Variants in PCDH9 observed in about 807,000 individuals in gnomAD.
The protein encoded by PCDH9 is protocadherin-9.
A neutral mutation model predicts 70.6 loss-of-function variants in PCDH9; 24 were observed. That is an observed-to-expected ratio of 0.34 (90% CI 0.25 to 0.48). The LOEUF (loss-of-function observed/expected upper bound fraction) is 0.48, where lower values mean the gene tolerates loss of function less well. Among genes scored for constraint, PCDH9 ranks in the 20% least tolerant of loss-of-function variants. PCDH9 has a pLI of 0.99. For synonymous variants in PCDH9, 562 were observed against 558.5 expected (o/e 1.01, Z -0.09); for missense variants, 1,281 against 1,503.6 (o/e 0.85, Z 2.45).
At chr13:66,808,727 T>A (rs1361057360) in intron 3 of PCDH9, among the ~76,000 whole-genome samples, 1 of 152,154 alleles carries the variant, frequency 6.6e-6, no homozygotes, top group Non-Finnish European at 1.5e-5. Flanking sequence ...TAAATTGTAG[T>A]TTATTCATTA....
intron 2 of PCDH9, among the ~76,000 whole-genome samples, chr13:66,978,766 T>C (rs989416219): frequency 3.3e-5 from 5 of 149,768 alleles, no homozygotes; most frequent in African/African-American, 1.2e-4. Context: ...TAAATGTATA[T>C]GATTTTTGGC....
chr13:66,786,380 T>A (rs1353185184), intron 3 of PCDH9, among the ~76,000 whole-genome samples: 1 of 152,198 alleles, frequency 6.6e-6, no homozygotes, highest in Non-Finnish European at 1.5e-5. Flanking sequence ...AGAAGGCTTA[T>A]GCTGTATGCT....
Position 66,304,241 on chromosome 13 carries a change from T to C in PCDH9, c.*414A>G. On this transcript the variant is annotated 3_prime_UTR_variant, in exon 5 of 5. Coordinates refer to ENST00000377865, the MANE Select transcript of PCDH9 (RefSeq NM_203487.3). The stretch of plus-strand genomic sequence containing the variant: ...TGCAGTATAATGTCAAGTATAGCAG[T>C]CCCAGCACAAATCAATGACAAAAAA... 1 of 109,900 alleles carries C rather than the reference T, an allele frequency of 9.1e-6. No homozygotes were observed. The highest frequency in any genetic ancestry group is 4.0e-5 in the African/African-American group (1 of 25,002). The allele number at this position is 109,900 out of a possible 1,614,324, so 6.8% of individuals were successfully genotyped here. A position where few individuals can be genotyped will look rare whatever the true frequency, so the allele number is the denominator to read the frequency against.
chr13:66,468,902 G>C (rs1471614047), intron 4 of PCDH9, among the ~76,000 whole-genome samples: 5 of 152,046 alleles, frequency 3.3e-5, no homozygotes, highest in African/African-American at 7.2e-5. Context: ...TAGTCAGGCT[G>C]CACCCAAGGA....
At chr13:66,549,112 C>T (rs1423192187) in intron 4 of PCDH9, among the ~76,000 whole-genome samples, 1 of 151,940 alleles carries the variant, frequency 6.6e-6, no homozygotes, top group Non-Finnish European at 1.5e-5. Flanking sequence ...TCCAAGGTAG[C>T]TTTGACAATT....
intron 2 of PCDH9, among the ~76,000 whole-genome samples, chr13:66,913,625 C>T (rs947639647): frequency 2.6e-5 from 4 of 151,734 alleles, no homozygotes; most frequent in African/African-American, 7.3e-5. Flanking sequence ...TTATCCAAGT[C>T]GAAAATGTAA....
intron 3 of PCDH9, among the ~76,000 whole-genome samples, chr13:66,792,082 TA>T (rs2080172533): frequency 6.6e-6 from 1 of 152,192 alleles, no homozygotes; most frequent in African/African-American, 2.4e-5. Flanking sequence ...AAGGGTATAT[TA>T]AGGCATATTA....
At chr13:66,973,466 G>T (rs1006345852) in intron 2 of PCDH9, among the ~76,000 whole-genome samples, 1 of 151,900 alleles carries the variant, frequency 6.6e-6, no homozygotes, top group South Asian at 2.1e-4. Context: ...AAAGGAGGAG[G>T]AAACGACCAA....
intron 3 of PCDH9, among the ~76,000 whole-genome samples, chr13:66,687,773 G>A (rs1304866058): frequency 1.3e-5 from 2 of 152,024 alleles, no homozygotes; most frequent in Non-Finnish European, 2.9e-5. Context: ...AAAATAATCA[G>A]TAAATGAGGT....
intron 4 of PCDH9, among the ~76,000 whole-genome samples, chr13:66,321,873 T>TCA (rs1955761412): frequency 6.6e-6 from 1 of 151,936 alleles, no homozygotes; most frequent in African/African-American, 2.4e-5. Flanking sequence ...CCATTCTTTG[T>TCA]TTATTTCCTT....
At chr13:66,669,434 T>G (rs192123286) in intron 3 of PCDH9, among the ~76,000 whole-genome samples, 21 of 152,314 alleles carry the variant, frequency 1.4e-4, no homozygotes, top group South Asian at 4.1e-4. Flanking sequence ...CTATCTTTTT[T>G]TTGTTGTTGT....
intron 3 of PCDH9, among the ~76,000 whole-genome samples, chr13:66,755,805 C>T (rs1045161980): frequency 6.6e-6 from 1 of 151,944 alleles, no homozygotes; most frequent in Non-Finnish European, 1.5e-5. Context: ...TGGAATAGAA[C>T]AAAGAAAAAA....
At chr13:66,786,792 T>C (rs755868799) in intron 3 of PCDH9, among the ~76,000 whole-genome samples, 1 of 152,108 alleles carries the variant, frequency 6.6e-6, no homozygotes, top group Non-Finnish European at 1.5e-5. Context: ...AAACAAAAAG[T>C]AAAGTCGTTA....
chr13:66,953,152 G>A (rs931301297), intron 2 of PCDH9, among the ~76,000 whole-genome samples: 19 of 151,920 alleles, frequency 1.3e-4, no homozygotes, highest in African/African-American at 3.1e-4. Context: ...GCCAGAACAT[G>A]TATTCACAAA....
intron 2 of PCDH9, among the ~76,000 whole-genome samples, chr13:67,113,635 C>T (rs1307884827): frequency 6.6e-6 from 1 of 151,962 alleles, no homozygotes; most frequent in African/African-American, 2.4e-5. Flanking sequence ...GCAAGCTCCG[C>T]CTCCCGGGTT....
At chr13:67,006,992 T>C (rs1389372615) in intron 2 of PCDH9, among the ~76,000 whole-genome samples, 1 of 152,194 alleles carries the variant, frequency 6.6e-6, no homozygotes, top group Non-Finnish European at 1.5e-5. Context: ...CTAAGCCTAA[T>C]TTGTCCTCCA....
chr13:66,487,561 G>T (rs189190556), intron 4 of PCDH9, among the ~76,000 whole-genome samples: 15 of 152,012 alleles, frequency 9.9e-5, no homozygotes, highest in Admixed American at 5.2e-4. Flanking sequence ...CTTTGTCAAT[G>T]TCCATATAAT....
chr13:66,580,995 C>T (rs1245578516), intron 4 of PCDH9, among the ~76,000 whole-genome samples: 1 of 152,080 alleles, frequency 6.6e-6, no homozygotes, highest in African/African-American at 2.4e-5. Context: ...TAGGCTACAG[C>T]CTCTCCAAAT....
intron 2 of PCDH9, among the ~76,000 whole-genome samples, chr13:66,969,280 A>G (rs2083478931): frequency 6.6e-6 from 1 of 151,936 alleles, no homozygotes; most frequent in South Asian, 2.1e-4. Context: ...ATTTTTTAGA[A>G]TCCATCATTT....
Sources: allele counts gnomAD v4.1 joint callset (sites outside exome capture counted in the v4.1 genomes callset), GRCh38; gene constraint gnomAD v4.1.1; transcripts MANE v1.5; gene names NCBI Gene and HGNC (gene_info 2026-07-23, HGNC 2026-07-21).